Variants in PKN3 observed in about 807,000 individuals in gnomAD.
The protein encoded by PKN3 is protein kinase N3.
In PKN3, 91 loss-of-function variants were observed where a neutral mutation model predicts 113.1. That is an observed-to-expected ratio of 0.80 (90% CI 0.68 to 0.96). The LOEUF (loss-of-function observed/expected upper bound fraction) is 0.96. Ranked by LOEUF, PKN3 falls within the 40% of genes least tolerant of loss-of-function variation. The pLI, the probability that PKN3 is intolerant of heterozygous loss-of-function variation, is 0.00. For missense variants in PKN3, 1,052 were observed against 1,202.2 expected (o/e 0.88, Z 1.85); for synonymous variants, 467 against 499.0 (o/e 0.94, Z 0.85).
rs146395892 is a variant in PKN3, at chr9:128,720,487, G to C, written c.2551G>C (p.Glu851Gln). The C allele has an allele frequency of 6.2e-7, 1 of 1,613,124 alleles. No homozygotes were observed. Among genetic ancestry groups the C allele is most frequent in the Non-Finnish European group, 8.5e-7 (1 of 1,180,002 alleles). ...TGCGGACCTGCGCTACTTTGAGGGC[G>C]AGTTCACAGGGCTGCCGCCTGCCCT... The part of the protein sequence containing the change: ...GPADLRYFEG[E>Q]FTGLPPALTP... The change falls in exon 22 of 22, where the codon GAG becomes CAG. Residue 851 changes from glutamate (E) to glutamine (Q), a missense_variant. Coordinates refer to ENST00000291906, the MANE Select transcript of PKN3 (RefSeq NM_013355.5). This position sits in a 1 kb window ranked among gnomAD's most constrained non-coding sequence, Gnocchi z 5.5.
intron 16 of PKN3, among the ~76,000 whole-genome samples, 194 bp downstream of exon 16, chr9:128,717,117 C>CTTTTTTTTTTTTT (rs34182369): frequency 0.018 from 429 of 24,378 alleles, 182 homozygotes; most frequent in South Asian, 0.03. Flanking sequence ...CATTAGGTTT[C>CTTTTTTTTTTTTT]TTTTTTTTTT....
chr9:128,705,358 T>C lies in PKN3; in HGVS notation c.80T>C (p.Ile27Thr). The change falls in exon 2 of 22, where the codon ATC (isoleucine) becomes ACC (threonine). Residue 27 changes from isoleucine to threonine, a missense_variant. Ile to Thr is a moderately conservative substitution (Grantham distance 89). Around this residue, in one of 2 missense-constraint regions of PKN3, gnomAD observed 719 missense variants for 759.4 expected, o/e 0.95. Transcript: ENST00000291906. ...EDEKEVIRRA[I>T]QKELKIKEGV... ...GAGAAGGAGGTGATCCGCCGGGCCA[T>C]CCAGAAAGAGCTGAAGATCAAGGAG... 1.3e-6 allele frequency: 2 copies of C among 1,590,172 alleles called. No homozygotes were observed. Among genetic ancestry groups the C allele is most frequent in the Middle Eastern group, 1.7e-4 (1 of 6,018 alleles).
Position 128,720,281 on chromosome 9 carries a change from A to G in PKN3, c.2455A>G (p.Arg819Gly). The change falls in exon 21 of 22, where the codon AGG becomes GGG. Residue 819 changes from arginine to glycine, a missense_variant and splice_region_variant. Physicochemically the swap from Arg to Gly is moderately radical, Grantham distance 125. Transcript: ENST00000291906. The surrounding 1 kb of genome is among the most constrained non-coding windows in gnomAD (Gnocchi z 5.5). ...AEEIKVQPFF[R>G]TTNWQALLAR... is the part of the protein sequence containing the mutation. ...GGAGATCAAGGTCCAGCCATTCTTC[A>G]GGGTGAGCGGCTGGGGTGGCGGTGG... 6.2e-7 allele frequency: 1 copy of G among 1,613,886 alleles called. No individual in the cohort carries two copies. Among genetic ancestry groups the G allele is most frequent in the Non-Finnish European group, 8.5e-7 (1 of 1,179,976 alleles).
chr9:128,720,899 A>T lies in PKN3; in HGVS notation c.*293A>T. On this transcript the variant is annotated 3_prime_UTR_variant, in exon 22 of 22. Coordinates refer to ENST00000291906, the MANE Select transcript of PKN3 (RefSeq NM_013355.5). This position sits in a 1 kb window ranked among gnomAD's most constrained non-coding sequence, Gnocchi z 5.5. ...CTTTTTAAGACTGGACTTGCTTTATATTAAATTTGTAAAAGTGTGCACTGG... is the reference window on the plus strand; with the variant it reads ...CTTTTTAAGACTGGACTTGCTTTATTTTAAATTTGTAAAAGTGTGCACTGG... The T allele has an allele frequency of 3.5e-6, 2 of 575,674 alleles. No homozygotes were observed. Among genetic ancestry groups the T allele is most frequent in the Non-Finnish European group, 6.1e-6 (2 of 326,804 alleles). 35.7% of individuals were successfully genotyped at this position (575,674 alleles called of 1,614,324 possible).
Position 128,720,683 on chromosome 9 carries a change from T to G in PKN3, c.*77T>G. ...TGCTCGTTCACCCGTGCGCCCTGCC[T>G]GGAGGTCCAGGCCTTGCTGGGTACT... On this transcript the variant is annotated 3_prime_UTR_variant, in exon 22 of 22. Coordinates refer to ENST00000291906, the MANE Select transcript of PKN3 (RefSeq NM_013355.5). This position sits in a 1 kb window ranked among gnomAD's most constrained non-coding sequence, Gnocchi z 5.5. The G allele has an allele frequency of 7.7e-7, 1 of 1,305,570 alleles. No individual in the cohort carries two copies. The highest frequency in any genetic ancestry group is 1.1e-6 in the Non-Finnish European group (1 of 933,098). 80.9% of individuals were successfully genotyped at this position (1,305,570 alleles called of 1,614,324 possible).
In PKN3 at chr9:128,714,031, C is replaced by A. The variant is rs774561248; in HGVS notation, c.1237-15C>A. The A allele has an allele frequency of 3.7e-6, 6 of 1,613,578 alleles. No homozygotes were observed. The highest frequency in any genetic ancestry group is 5.1e-6 in the Non-Finnish European group (6 of 1,179,758). ...GGGAGGCGACTGGTCCACAACCCTG[C>A]CCCTACCCCTGCAGGTGACCTTCTG... On this transcript the variant is annotated splice_polypyrimidine_tract_variant and intron_variant, in intron 9 of 21. Coordinates refer to ENST00000291906, the MANE Select transcript of PKN3 (RefSeq NM_013355.5).
intron 15 of PKN3, among the ~76,000 whole-genome samples, chr9:128,716,229 C>T (rs903364396): frequency 7.1e-6 from 1 of 141,438 alleles, no homozygotes; most frequent in African/African-American, 2.7e-5. Context: ...ACCTCAGTGG[C>T]GGAGGCTGCA....
Position 128,715,012 on chromosome 9 carries a change from C to T in PKN3, c.1652+147C>T. 1 of 1,075,608 alleles carries T rather than the reference C, an allele frequency of 9.3e-7. No homozygotes were observed. The highest frequency in any genetic ancestry group is 1.4e-6 in the Non-Finnish European group (1 of 707,924). 66.6% of individuals were successfully genotyped at this position (1,075,608 alleles called of 1,614,324 possible). A position where few individuals can be genotyped will look rare whatever the true frequency, so the allele number is the denominator to read the frequency against. ...GATTTACTAAACCCACATTATTGAG[C>T]TCCAGCTCTATGCCGGCTTCTAGGA... On this transcript the variant is annotated intron_variant, in intron 13 of 21. Transcript: ENST00000291906. This position sits in a 1 kb window ranked among gnomAD's most constrained non-coding sequence, Gnocchi z 4.1.
intron 9 of PKN3, 73 bp from the exon 10 acceptor site, chr9:128,713,973 C>T: frequency 1.3e-6 from 2 of 1,506,148 alleles, no homozygotes; most frequent in Non-Finnish European, 1.8e-6. Context: ...GCTGTAATCC[C>T]AGGGGCAGAG....
At chr9:128,703,526 T>C (rs1339746896) in intron 1 of PKN3, 3 of 984,876 alleles carry the variant, frequency 3.0e-6, no homozygotes, top group Non-Finnish European at 3.6e-6. Flanking sequence ...GAGCTGGCAG[T>C]AGGTGCGCGT....
intron 3 of PKN3, among the ~76,000 whole-genome samples, chr9:128,706,158 T>C (rs183752596): frequency 3.7e-4 from 56 of 152,372 alleles, no homozygotes; most frequent in Middle Eastern, 3.4e-3. Flanking sequence ...ACAAGAAGAC[T>C]TGGCTGTGGC....
At chr9:128,706,067 C>T (rs1266364195) in intron 3 of PKN3, among the ~76,000 whole-genome samples, 188 bp downstream of exon 3, 2 of 152,234 alleles carry the variant, frequency 1.3e-5, no homozygotes, top group Admixed American at 1.3e-4. Context: ...GAAGGCCTTG[C>T]CCTGGTCTAA....
intron 6 of PKN3, 54 bp downstream of exon 6, chr9:128,707,459 G>A (rs948042999): frequency 1.9e-5 from 28 of 1,457,372 alleles, no homozygotes; most frequent in Middle Eastern, 1.8e-4. Context: ...GGGGGAGGCC[G>A]GAAGCACAAA....
At position 128,705,533 on chromosome 9, in the gene PKN3, T is replaced by A; in HGVS notation, c.255T>A (p.Pro85=). 2 of 1,555,582 alleles carry A rather than the reference T, an allele frequency of 1.3e-6. No individual in the cohort carries two copies. The highest frequency in any genetic ancestry group is 1.7e-6 in the Non-Finnish European group (2 of 1,150,384). The part of the protein sequence containing the change: ...HARILLPGPG[P]GPAEPVASGP... Reference sequence around the variant, plus strand: ...GAATCCTGCTGCCCGGCCCTGGGCCTGGCCCAGCTGGTGAGTGAGGAGCTG... The same window carrying A: ...GAATCCTGCTGCCCGGCCCTGGGCCAGGCCCAGCTGGTGAGTGAGGAGCTG... The change falls in exon 2 of 22, where the codon CCT becomes CCA. Residue 85 remains proline, a synonymous_variant. Transcript: ENST00000291906.
chr9:128,716,002 T>TA (rs1276218034), intron 15 of PKN3, among the ~76,000 whole-genome samples: 112 of 115,830 alleles, frequency 9.7e-4, no homozygotes, highest in Middle Eastern at 6.4e-3. Context: ...AAAAACTAAT[T>TA]AAAAAAAAAA....
intron 1 of PKN3, among the ~76,000 whole-genome samples, chr9:128,704,840 C>G (rs1468648029): frequency 6.6e-6 from 1 of 151,646 alleles, no homozygotes; most frequent in East Asian, 1.9e-4. Flanking sequence ...ATCGCTTGAA[C>G]CCGGGAGGCA....
intron 12 of PKN3, 45 bp downstream of exon 12, chr9:128,714,709 T>C (rs779861618): frequency 7.1e-7 from 1 of 1,402,224 alleles, no homozygotes; most frequent in South Asian, 1.2e-5. Flanking sequence ...CGGCTGGGGC[T>C]GGCAGGGCCA....
intron 16 of PKN3, 152 bp from the exon 17 acceptor site, chr9:128,718,173 C>T (rs1243972989): frequency 1.4e-6 from 1 of 703,338 alleles, no homozygotes. Context: ...GGAGCACCCC[C>T]ACCCTCAGCA....
intron 1 of PKN3, chr9:128,703,435 A>T: frequency 2.0e-6 from 2 of 985,012 alleles, no homozygotes; most frequent in Non-Finnish European, 2.4e-6. Context: ...ATGAGAGGGG[A>T]GCGGCCTCCC....
Sources: gnomAD v4.1 joint callset for allele counts (sites outside exome capture counted in the v4.1 genomes callset) on GRCh38, gnomAD v4.1.1 for gene constraint, gnomAD v4.1.1 regional missense constraint, Gnocchi (gnomAD v3.1) non-coding constraint, MANE v1.5 for transcripts, NCBI Gene and HGNC (gene_info 2026-07-23, HGNC 2026-07-21) for gene names.